EFCAB5: variants seen among roughly 807,000 people sequenced by gnomAD.
EFCAB5 encodes EF-hand calcium binding domain 5, also known as EF-hand calcium-binding domain-containing protein 5.
EFCAB5 carries 131 observed loss-of-function variants against 167.9 expected under a neutral mutation model. That is an observed-to-expected ratio of 0.78 (90% CI 0.68 to 0.90). The LOEUF is 0.90. Ranked by LOEUF, EFCAB5 falls within the 40% of genes least tolerant of loss-of-function variation. The pLI, the probability that EFCAB5 is intolerant of heterozygous loss-of-function variation, is 0.00. For synonymous variants in EFCAB5, 574 were observed against 602.8 expected (o/e 0.95, Z 0.70); for missense variants, 1,663 against 1,745.2 (o/e 0.95, Z 0.84).
At chr17:30,031,821 A>C (rs940029825) in intron 7 of EFCAB5, 3 of 152,160 alleles carry the variant, frequency 2.0e-5, no homozygotes, top group Admixed American at 2.0e-4. Flanking sequence ...CAGGAGTTTG[A>C]GACCAGTTTG....
At chr17:29,958,849 G>A (rs1317639678) in intron 3 of EFCAB5, among the ~76,000 whole-genome samples, 2 of 152,140 alleles carry the variant, frequency 1.3e-5, no homozygotes, top group African/African-American at 4.8e-5. Context: ...GCATTAGAGG[G>A]CACCCCAAAC....
intron 17 of EFCAB5, among the ~76,000 whole-genome samples, chr17:30,082,507 C>T (rs1484408499): frequency 2.7e-5 from 4 of 149,678 alleles, no homozygotes; most frequent in Non-Finnish European, 5.9e-5. Context: ...TGTCCTGCCT[C>T]AGCCTCCTGA....
Position 29,967,849 on chromosome 17 carries a change from G to T in EFCAB5, c.191-942G>T, listed in dbSNP as rs75315721. ...GAGAAATGTATTTAAATATACATGT[G>T]TGGTAGACTCTTTGCTTACTCACCA... On this transcript the variant is annotated intron_variant, in intron 3 of 22. Coordinates refer to ENST00000394835, the MANE Select transcript of EFCAB5 (RefSeq NM_198529.4). Among the ~76,000 whole-genome samples the T allele has an allele frequency of 2.5e-4, 37 of 150,968 alleles. No individual in the cohort carries two copies. The East Asian group carries it at 6.8e-3, about 28-fold the overall frequency.
chr17:30,014,284 T>C (rs941561214), intron 7 of EFCAB5, among the ~76,000 whole-genome samples: 1 of 152,180 alleles, frequency 6.6e-6, no homozygotes, highest in African/African-American at 2.4e-5. Context: ...ATTCTGTTGA[T>C]TTGGGGTGGA....
At chr17:30,034,193 T>G in intron 7 of EFCAB5, 37 bp from the exon 8 acceptor site, 2 of 1,606,162 alleles carry the variant, frequency 1.2e-6, no homozygotes, top group Non-Finnish European at 1.7e-6. Flanking sequence ...AGCATGGTTT[T>G]AAGTCAATCG....
At chr17:30,031,499 A>G (rs541598785) in intron 7 of EFCAB5, among the ~76,000 whole-genome samples, 1 of 152,356 alleles carries the variant, frequency 6.6e-6, no homozygotes, top group African/African-American at 2.4e-5. Context: ...TCAAGAGTAG[A>G]CAAACACAAT....
chr17:29,976,862 A>G (rs980758759), intron 4 of EFCAB5, among the ~76,000 whole-genome samples: 3 of 152,214 alleles, frequency 2.0e-5, no homozygotes, highest in African/African-American at 4.8e-5. Context: ...AACAACAGAT[A>G]GAGAAGACAC....
At chr17:30,083,298 A>G (rs2071026328) in intron 18 of EFCAB5, among the ~76,000 whole-genome samples, 1 of 152,210 alleles carries the variant, frequency 6.6e-6, no homozygotes, top group African/African-American at 2.4e-5. Flanking sequence ...GGCCAGATCC[A>G]GGGACTTGAA....
intron 14 of EFCAB5, among the ~76,000 whole-genome samples, chr17:30,071,840 G>C (rs1224538193): frequency 6.6e-6 from 1 of 152,256 alleles, no homozygotes; most frequent in East Asian, 1.9e-4. Context: ...TCTGTCATTT[G>C]CCACAACGTA....
At chr17:29,977,656 A>C (rs544051728) in intron 4 of EFCAB5, among the ~76,000 whole-genome samples, 40 of 152,182 alleles carry the variant, frequency 2.6e-4, no homozygotes, top group Non-Finnish European at 5.3e-4. Context: ...TATTAGCTTT[A>C]TGCATTAATG....
At chr17:30,077,273 G>A (rs998238046) in intron 14 of EFCAB5, among the ~76,000 whole-genome samples, 1 of 152,250 alleles carries the variant, frequency 6.6e-6, no homozygotes, top group Middle Eastern at 3.4e-3. Context: ...CTACACTCCA[G>A]CTTGGGCTAC....
At position 30,097,057 on chromosome 17, in the gene EFCAB5, T is replaced by TAC. The variant is rs1567777531; in HGVS notation, c.4321+4122_4321+4123insCA. On this transcript the variant is annotated intron_variant, in intron 22 of 22. Coordinates refer to ENST00000394835, the MANE Select transcript of EFCAB5 (RefSeq NM_198529.4). ...ATATACATATACATATACATATATA[T>TAC]ATATTTTTTTTTTTTTGAGATGGAG... Among the ~76,000 whole-genome samples the TAC allele has an allele frequency of 2.1e-3, 131 of 61,986 alleles. 2 individuals carry two copies. The highest frequency in any genetic ancestry group is 0.014 in the African/African-American group (124 of 9,172). 40.7% of individuals were successfully genotyped at this position (61,986 alleles called of 152,430 possible).
chr17:30,057,946 C>T (rs565661090), intron 13 of EFCAB5, 56 bp downstream of exon 13: 2 of 1,500,280 alleles, frequency 1.3e-6, no homozygotes, highest in African/African-American at 2.8e-5. Flanking sequence ...AAGTAAATCT[C>T]TCAACCTCAG....
intron 14 of EFCAB5, among the ~76,000 whole-genome samples, chr17:30,066,242 A>T (rs1220401446): frequency 6.6e-6 from 1 of 152,220 alleles, no homozygotes; most frequent in Admixed American, 6.5e-5. Context: ...AGGAATTGAA[A>T]TCATATCAAA....
At chr17:30,039,044 G>C (rs982568082) in intron 8 of EFCAB5, among the ~76,000 whole-genome samples, 5 of 152,146 alleles carry the variant, frequency 3.3e-5, no homozygotes, top group African/African-American at 1.2e-4. Context: ...CTCACATACT[G>C]CGGTGCCGAG....
Position 29,973,601 on chromosome 17 carries a change from C to A in EFCAB5, c.767+4234C>A, listed in dbSNP as rs534276571. On this transcript the variant is annotated intron_variant, in intron 4 of 22. Transcript: ENST00000394835. ...TCAAGAAATTCTCTGCCTCAGCCTC[C>A]TGAGTAGCTGGGATTACAGGCACCC... Among the ~76,000 whole-genome samples the A allele has an allele frequency of 3.4e-5, 5 of 147,852 alleles. No individual in the cohort carries two copies. The South Asian group carries it at 1.1e-3, about 32-fold the overall frequency.
chr17:30,107,647 A>C (rs1408076992), intron 22 of EFCAB5, among the ~76,000 whole-genome samples, 187 bp from the exon 23 acceptor site: 2 of 152,164 alleles, frequency 1.3e-5, no homozygotes, highest in East Asian at 3.8e-4. Context: ...ACTGCTGTTA[A>C]GTATTCCATT....
At chr17:30,017,452 T>C (rs977164871) in intron 7 of EFCAB5, among the ~76,000 whole-genome samples, 1 of 152,178 alleles carries the variant, frequency 6.6e-6, no homozygotes, top group African/African-American at 2.4e-5. Context: ...TACAGATAGA[T>C]GGGTACATAG....
intron 22 of EFCAB5, among the ~76,000 whole-genome samples, chr17:30,103,844 A>G (rs971533547): frequency 3.6e-4 from 55 of 152,274 alleles, no homozygotes; most frequent in African/African-American, 1.3e-3. Flanking sequence ...GTGAAACCCC[A>G]TCTCTACTAA....
Sources: gnomAD v4.1 joint callset for allele counts (sites outside exome capture counted in the v4.1 genomes callset) on GRCh38, gnomAD v4.1.1 for gene constraint, MANE v1.5 for transcripts, NCBI Gene and HGNC (gene_info 2026-07-23, HGNC 2026-07-21) for gene names.